NRG3: variants seen among roughly 807,000 people sequenced by gnomAD.
The protein encoded by NRG3 is neuregulin 3.
Under a neutral mutation model 66.9 loss-of-function variants are expected in NRG3, and 31 were observed. The ratio of observed to expected loss-of-function variants is 0.46; its 90% CI spans 0.35 to 0.63. The LOEUF (loss-of-function observed/expected upper bound fraction) is 0.63. NRG3 is among the 20% of genes least tolerant of loss of function. The pLI is 0.00. For synonymous variants in NRG3, 393 were observed against 359.4 expected (o/e 1.09, Z -1.06); for missense variants, 910 against 878.9 (o/e 1.04, Z -0.45).
intron 1 of NRG3, among the ~76,000 whole-genome samples, chr10:82,099,128 T>C (rs1416637559): frequency 6.6e-6 from 1 of 152,312 alleles, no homozygotes; most frequent in East Asian, 1.9e-4. Flanking sequence ...TTTTCTTTCA[T>C]GGATTATGGT....
chr10:82,393,786 A>G (rs189991672), intron 2 of NRG3, among the ~76,000 whole-genome samples: 114 of 152,288 alleles, frequency 7.5e-4, no homozygotes, highest in African/African-American at 2.6e-3. Context: ...AGTGCTTATT[A>G]AAAGAATAAT....
intron 2 of NRG3, among the ~76,000 whole-genome samples, chr10:82,549,633 T>G (rs550933007): frequency 6.6e-6 from 1 of 152,304 alleles, no homozygotes; most frequent in Non-Finnish European, 1.5e-5. Flanking sequence ...GCAGAATAAT[T>G]GAGCATGTCC....
intron 2 of NRG3, among the ~76,000 whole-genome samples, chr10:82,480,751 G>C (rs1444535884): frequency 1.3e-5 from 2 of 152,210 alleles, no homozygotes; most frequent in African/African-American, 4.8e-5. Context: ...AGCACTTAAA[G>C]CTTCTGCACA....
At chr10:82,127,995 G>T in intron 1 of NRG3, among the ~76,000 whole-genome samples, 1 of 151,964 alleles carries the variant, frequency 6.6e-6, no homozygotes, top group East Asian at 1.9e-4. Context: ...TTAAGGTACT[G>T]AAAATTTACA....
Position 82,985,197 on chromosome 10 carries a change from G to A in NRG3, c.1683G>A (p.Lys561=). 6.2e-7 allele frequency: 1 copy of A among 1,614,094 alleles called. No homozygotes were observed. ...CCTATTTTAATAGCTTGGAGCAAAAGGACCTGGTGGGCTATTCATCCACAA... is the reference window on the plus strand; with the variant it reads ...CCTATTTTAATAGCTTGGAGCAAAAAGACCTGGTGGGCTATTCATCCACAA... ...TNPYFNSLEQ[K]DLVGYSSTRA... The change falls in exon 9 of 9, where the codon AAG becomes AAA. Residue 561 remains lysine, a synonymous_variant. Coordinates refer to ENST00000372141, the MANE Select transcript of NRG3 (RefSeq NM_001010848.4).
intron 1 of NRG3, among the ~76,000 whole-genome samples, chr10:82,253,016 G>A (rs1280940669): frequency 6.6e-6 from 1 of 152,042 alleles, no homozygotes; most frequent in East Asian, 1.9e-4. Flanking sequence ...CCAACACCCC[G>A]ATCTCTCATT....
intron 8 of NRG3, chr10:82,984,752 C>G: frequency 5.8e-6 from 9 of 1,550,970 alleles, no homozygotes; most frequent in African/African-American, 2.7e-5. Context: ...CCACACTTAC[C>G]TGCTCAATCC....
chr10:82,952,593 A>C (rs892133167), intron 5 of NRG3, among the ~76,000 whole-genome samples: 3 of 151,636 alleles, frequency 2.0e-5, no homozygotes, highest in Admixed American at 2.0e-4. Flanking sequence ...AGAAATGCAG[A>C]TAAAAATATT....
intron 1 of NRG3, among the ~76,000 whole-genome samples, chr10:82,173,442 A>G (rs558992431): frequency 6.6e-6 from 1 of 152,190 alleles, no homozygotes; most frequent in African/African-American, 2.4e-5. Flanking sequence ...TGGACCATAC[A>G]TATGAGTGCC....
At chr10:82,154,479 G>T (rs2071034885) in intron 1 of NRG3, among the ~76,000 whole-genome samples, 1 of 150,956 alleles carries the variant, frequency 6.6e-6, no homozygotes, top group African/African-American at 2.4e-5. Context: ...TTATAGCTTT[G>T]TAATATATTT....
intron 2 of NRG3, among the ~76,000 whole-genome samples, chr10:82,558,424 A>C (rs992675664): frequency 6.6e-6 from 1 of 152,164 alleles, no homozygotes. Context: ...TTTCCTGCAG[A>C]TTAATCTAGA....
At chr10:82,525,262 C>G (rs1284524438) in intron 2 of NRG3, among the ~76,000 whole-genome samples, 1 of 151,668 alleles carries the variant, frequency 6.6e-6, no homozygotes, top group Non-Finnish European at 1.5e-5. Context: ...ATAGAAGATG[C>G]TTTTACTCTG....
At chr10:82,029,003 G>A (rs2062443986) in intron 1 of NRG3, among the ~76,000 whole-genome samples, 1 of 152,070 alleles carries the variant, frequency 6.6e-6, no homozygotes, top group Non-Finnish European at 1.5e-5. Flanking sequence ...GAGGTCAGGA[G>A]TTTGAGACCA....
rs896516631 is a variant in NRG3 at position 82,289,753 on chromosome 10, C to T, written c.824-68986C>T. The stretch of plus-strand genomic sequence containing the variant: ...TTTTTCCTCAATATAACATTTTTAA[C>T]AAGAGTTCTTAAAATAATGATTCCC... On this transcript the variant is annotated intron_variant, in intron 1 of 8. Coordinates refer to ENST00000372141, the MANE Select transcript of NRG3 (RefSeq NM_001010848.4). Among the ~76,000 whole-genome samples, 2 of 152,054 alleles carry T rather than the reference C, an allele frequency of 1.3e-5. 1 individual carries two copies. Among genetic ancestry groups the T allele is most frequent in the Admixed American group, 1.3e-4 (2 of 15,272 alleles).
At chr10:82,647,005 A>C (rs974226190) in intron 2 of NRG3, among the ~76,000 whole-genome samples, 15 of 116,170 alleles carry the variant, frequency 1.3e-4, no homozygotes, top group African/African-American at 5.0e-4. Flanking sequence ...TCTCTTTTTT[A>C]ATTTTATTAT....
At chr10:82,153,836 A>T (rs555362657) in intron 1 of NRG3, among the ~76,000 whole-genome samples, 3 of 151,654 alleles carry the variant, frequency 2.0e-5, no homozygotes, top group African/African-American at 4.8e-5. Context: ...TTTTTTTCAT[A>T]TATCTGTTGG....
chr10:82,434,024 A>T (rs1014270377), intron 2 of NRG3, among the ~76,000 whole-genome samples: 1 of 152,164 alleles, frequency 6.6e-6, no homozygotes, highest in African/African-American at 2.4e-5. Flanking sequence ...CATTGAATCT[A>T]TAAATTGCTT....
At chr10:82,311,669 C>T (rs2081035770) in intron 1 of NRG3, among the ~76,000 whole-genome samples, 1 of 152,104 alleles carries the variant, frequency 6.6e-6, no homozygotes, top group Admixed American at 6.6e-5. Context: ...CAAGCACTTT[C>T]CAGGAGCCAG....
chr10:82,611,983 C>G (rs1488190521), intron 2 of NRG3, among the ~76,000 whole-genome samples: 1 of 152,198 alleles, frequency 6.6e-6, no homozygotes, highest in Non-Finnish European at 1.5e-5. Context: ...GATGGTATCT[C>G]ATTGTGGTTT....
Sources: gnomAD v4.1 joint callset for allele counts (sites outside exome capture counted in the v4.1 genomes callset) on GRCh38, gnomAD v4.1.1 for gene constraint, MANE v1.5 for transcripts, NCBI Gene and HGNC (gene_info 2026-07-23, HGNC 2026-07-21) for gene names.